ABLIM1: variants seen among roughly 807,000 people sequenced by gnomAD.
ABLIM1 encodes actin-binding LIM protein 1.
A neutral mutation model predicts 107.0 loss-of-function variants in ABLIM1; 40 were observed. The ratio of observed to expected loss-of-function variants is 0.37; its 90% CI spans 0.29 to 0.49. ABLIM1 has a LOEUF of 0.49. Ranked by LOEUF, ABLIM1 falls within the 20% of genes least tolerant of loss-of-function variation. The probability of loss-of-function intolerance (pLI) is 0.97; values close to 1 mark genes in which losing one functional copy is unlikely to be tolerated. For missense variants in ABLIM1, 857 were observed against 1,008.5 expected, an observed-to-expected ratio of 0.85 and a Z score of 2.04; for synonymous variants, 357 against 357.3, an observed-to-expected ratio of 1.00 and a Z score of 0.01.
intron 6 of ABLIM1, among the ~76,000 whole-genome samples, chr10:114,517,556 A>G (rs1348070113): frequency 6.6e-6 from 1 of 152,146 alleles, no homozygotes; most frequent in African/African-American, 2.4e-5. Flanking sequence ...GTGGTGATCT[A>G]TGATATCCTT....
intron 1 of ABLIM1, among the ~76,000 whole-genome samples, chr10:114,674,044 C>A (rs986087057): frequency 5.3e-5 from 8 of 152,066 alleles, no homozygotes; most frequent in African/African-American, 1.9e-4. Context: ...AATCTCAGAA[C>A]TTTGGGAGGC....
chr10:114,729,861 C>A (rs545289930), intron 1 of ABLIM1, among the ~76,000 whole-genome samples: 83 of 152,194 alleles, frequency 5.5e-4, no homozygotes, highest in African/African-American at 2.0e-3. Flanking sequence ...CTCTTTAAGC[C>A]ACTTCACTAG....
chr10:114,777,419 T>C, the ABLIM1 span, among the ~76,000 whole-genome samples: 1 of 152,232 alleles, frequency 6.6e-6, no homozygotes, highest in East Asian at 1.9e-4. Context: ...ATCTGTGGCT[T>C]TGCTCATATT....
At chr10:114,546,526 C>T (rs372764625) in intron 5 of ABLIM1, among the ~76,000 whole-genome samples, 76 of 152,180 alleles carry the variant, frequency 5.0e-4, no homozygotes, top group African/African-American at 1.6e-3. Context: ...AACTCTCAAC[C>T]TCAGGTGATC....
intron 1 of ABLIM1, among the ~76,000 whole-genome samples, chr10:114,697,621 T>C (rs1258937434): frequency 6.6e-6 from 1 of 152,236 alleles, no homozygotes; most frequent in Non-Finnish European, 1.5e-5. Flanking sequence ...TTGGGGTTTA[T>C]AGGTATCCAA....
At chr10:114,576,694 CACTAACTACA>C (rs747099349) in intron 2 of ABLIM1, among the ~76,000 whole-genome samples, 3 of 152,158 alleles carry the variant, frequency 2.0e-5, no homozygotes, top group Non-Finnish European at 4.4e-5. Flanking sequence ...CAGGACTCTT[CACTAACTACA>C]AGCTACGGAA....
At chr10:114,691,874 C>A (rs2081087054) in intron 1 of ABLIM1, among the ~76,000 whole-genome samples, 1 of 152,186 alleles carries the variant, frequency 6.6e-6, no homozygotes, top group South Asian at 2.1e-4. Flanking sequence ...GTGCTATACC[C>A]AGAAGGCTAC....
upstream of ABLIM1, among the ~76,000 whole-genome samples, chr10:114,662,401 A>G (rs79629480): frequency 1.8e-3 from 281 of 152,050 alleles, 2 homozygotes; most frequent in African/African-American, 6.2e-3. Flanking sequence ...GACAGTGACG[A>G]CTCGGCCCAT....
chr10:114,542,589 G>A (rs12775775), intron 6 of ABLIM1, among the ~76,000 whole-genome samples: 40 of 150,014 alleles, frequency 2.7e-4, no homozygotes, highest in Middle Eastern at 3.2e-3. Context: ...AGGAGGAGGA[G>A]GAAGGAGGAA....
At chr10:114,545,238 C>T in intron 5 of ABLIM1, 140 bp from the exon 6 acceptor site, 1 of 744,980 alleles carries the variant, frequency 1.3e-6, no homozygotes, top group Non-Finnish European at 2.3e-6. Flanking sequence ...GCCTGGCAAT[C>T]CAGTCAGACC....
intron 1 of ABLIM1, among the ~76,000 whole-genome samples, chr10:114,622,247 C>CTTTTTTT (rs71007483): frequency 2.2e-5 from 3 of 136,570 alleles, no homozygotes; most frequent in Non-Finnish European, 4.7e-5. Flanking sequence ...TTTTCTTTTT[C>CTTTTTTT]TTTTTTTTTT....
At chr10:114,450,274 C>CA (rs888132769) in intron 14 of ABLIM1, 352 of 159,358 alleles carry the variant, frequency 2.2e-3, no homozygotes, top group Middle Eastern at 3.2e-3. Context: ...TTTAAAACCT[C>CA]AAAAAAAAAA....
the ABLIM1 span, among the ~76,000 whole-genome samples, chr10:114,773,493 G>A: frequency 1.3e-5 from 2 of 152,192 alleles, no homozygotes; most frequent in African/African-American, 4.8e-5. Flanking sequence ...AGGCCAAGGT[G>A]GGTGGATCAC....
chr10:114,742,484 A>G (rs1482848257), intron 1 of ABLIM1, among the ~76,000 whole-genome samples: 2 of 152,242 alleles, frequency 1.3e-5, no homozygotes, highest in East Asian at 3.8e-4. Flanking sequence ...AGATGAAAAC[A>G]TTCTCATCTG....
chr10:114,673,083 C>T (rs1175430509), intron 1 of ABLIM1, among the ~76,000 whole-genome samples: 1 of 151,844 alleles, frequency 6.6e-6, no homozygotes, highest in Admixed American at 6.6e-5. Flanking sequence ...CATGGAGAAG[C>T]CCCATCTCTA....
chr10:114,748,438 C>CA (rs1482468086), intron 1 of ABLIM1, among the ~76,000 whole-genome samples: 1 of 152,050 alleles, frequency 6.6e-6, no homozygotes, highest in African/African-American at 2.4e-5. Flanking sequence ...ACAAAGACAA[C>CA]AATGAAAATG....
Position 114,619,141 on chromosome 10 carries a change from A to G in ABLIM1, c.245-17180T>C, listed in dbSNP as rs1591616952. ...TTGGACATTCCTGAGGGAGGGGTGA[A>G]CTCTCTCCAAAGCCCTTAAATTATA... On this transcript the variant is annotated intron_variant, in intron 1 of 22. Transcript: ENST00000533213. This position sits in a 1 kb window ranked among gnomAD's most constrained non-coding sequence, Gnocchi z 4.1. Among the ~76,000 whole-genome samples the G allele has an allele frequency of 6.8e-6, 1 of 148,024 alleles. No individual in the cohort carries two copies. Among genetic ancestry groups the G allele is most frequent in the South Asian group, 2.2e-4 (1 of 4,540 alleles).
At chr10:114,456,153 C>A (rs116615903) in intron 12 of ABLIM1, among the ~76,000 whole-genome samples, 2,399 of 152,272 alleles carry the variant, frequency 0.016, 58 homozygotes, top group African/African-American at 0.053. Context: ...ATAGCAGGTC[C>A]TTGAAGAACG....
Position 114,667,309 on chromosome 10 carries a change from T to C in ABLIM1, c.64+16981A>G, listed in dbSNP as rs906500938. Among the ~76,000 whole-genome samples, 7 of 152,202 alleles carry C rather than the reference T, an allele frequency of 4.6e-5. No individual in the cohort carries two copies. In the East Asian group the frequency reaches 7.7e-4, roughly 17 times the overall value. On this transcript the variant is annotated intron_variant, in intron 1 of 23. Transcript: ENST00000369256. Reference sequence around the variant, plus strand: ...GTGAACCACTGCAAAAGTGACCATGTAGTCCCAAAAACAGTGTATGATATT... The same window carrying C: ...GTGAACCACTGCAAAAGTGACCATGCAGTCCCAAAAACAGTGTATGATATT...
Sources: allele counts gnomAD v4.1 joint callset (sites outside exome capture counted in the v4.1 genomes callset), GRCh38; gene constraint gnomAD v4.1.1; non-coding constraint Gnocchi (gnomAD v3.1); transcripts MANE v1.5; gene names NCBI Gene and HGNC (gene_info 2026-07-23, HGNC 2026-07-21).